LRRC4C: variants seen among roughly 807,000 people sequenced by gnomAD.
The protein encoded by LRRC4C is leucine rich repeat containing 4C, also known as leucine-rich repeat-containing protein 4C.
LRRC4C carries 5 observed loss-of-function variants against 33.6 expected under a neutral mutation model. The observed-to-expected ratio is 0.15, with a 90% CI of 0.08 to 0.31. The LOEUF (loss-of-function observed/expected upper bound fraction) is 0.31. Ranked by LOEUF, LRRC4C falls within the 10% of genes least tolerant of loss-of-function variation. The pLI, the probability that LRRC4C is intolerant of heterozygous loss-of-function variation, is 1.00. For synonymous variants in LRRC4C, 329 were observed against 302.0 expected (o/e 1.09, Z -0.93); for missense variants, 560 against 796.7 (o/e 0.70, Z 3.58).
chr11:40,323,548 G>T (rs1369438977), intron 3 of LRRC4C, among the ~76,000 whole-genome samples: 1 of 152,122 alleles, frequency 6.6e-6, no homozygotes, highest in East Asian at 1.9e-4. Flanking sequence ...CATCACCAGG[G>T]AATAATGTTG....
intron 2 of LRRC4C, among the ~76,000 whole-genome samples, chr11:40,841,759 G>C (rs184911877): frequency 6.6e-6 from 1 of 152,170 alleles, no homozygotes; most frequent in African/African-American, 2.4e-5. Flanking sequence ...ACATAATTAA[G>C]TTCTGAGAAA....
chr11:40,823,676 T>C (rs1952037532), intron 2 of LRRC4C, among the ~76,000 whole-genome samples: 1 of 151,614 alleles, frequency 6.6e-6, no homozygotes, highest in South Asian at 2.1e-4. Flanking sequence ...ACAAAAACGA[T>C]AGATAATATG....
intron 3 of LRRC4C, chr11:40,447,251 T>C (rs1951679404): frequency 6.5e-6 from 1 of 153,204 alleles, no homozygotes; most frequent in South Asian, 2.1e-4. Flanking sequence ...GATAAAGCCA[T>C]AGCTCTTGAA....
At chr11:41,443,089 A>ATTTTTTTTTTTTTTTTTTTTTTTTTTTAT in intron 1 of LRRC4C, among the ~76,000 whole-genome samples, 1 of 105,994 alleles carries the variant, frequency 9.4e-6, no homozygotes, top group South Asian at 3.3e-4. Context: ...TGTTTGCTTC[A>ATTTTTTTTTTTTTTTTTTTTTTTTTTTAT]TTTTTTTTTT....
chr11:41,212,226 G>A (rs1209684608), intron 1 of LRRC4C, among the ~76,000 whole-genome samples: 3 of 152,072 alleles, frequency 2.0e-5, no homozygotes, highest in Non-Finnish European at 2.9e-5. Flanking sequence ...CTTTCCCAGT[G>A]AGCTATATAA....
At chr11:41,304,913 G>A (rs1405155851) in intron 1 of LRRC4C, among the ~76,000 whole-genome samples, 6 of 50,124 alleles carry the variant, frequency 1.2e-4, no homozygotes, top group African/African-American at 2.7e-4. Context: ...CCGGGAGGGA[G>A]GTGGGGGGGG....
chr11:41,297,884 G>T (rs939057758), intron 1 of LRRC4C, among the ~76,000 whole-genome samples: 1 of 151,960 alleles, frequency 6.6e-6, no homozygotes, highest in Admixed American at 6.6e-5. Flanking sequence ...GACCCCCAAA[G>T]CTTTTATATT....
intron 2 of LRRC4C, among the ~76,000 whole-genome samples, chr11:40,694,800 T>C (rs1319755416): frequency 1.3e-5 from 2 of 152,130 alleles, no homozygotes; most frequent in African/African-American, 2.4e-5. Flanking sequence ...CAAATTGATA[T>C]AGGTTGGCTT....
intron 2 of LRRC4C, among the ~76,000 whole-genome samples, chr11:40,735,591 C>T (rs1278717145): frequency 7.6e-6 from 1 of 132,286 alleles, no homozygotes; most frequent in East Asian, 2.0e-4. Flanking sequence ...CAAGTCTTTG[C>T]TATTGTGAAT....
intron 2 of LRRC4C, among the ~76,000 whole-genome samples, chr11:40,745,172 C>T (rs1464154619): frequency 1.3e-5 from 2 of 152,152 alleles, no homozygotes; most frequent in Non-Finnish European, 2.9e-5. Context: ...CATTATCATG[C>T]TCATATTTAC....
At chr11:40,641,721 A>G (rs1258813267) in intron 3 of LRRC4C, among the ~76,000 whole-genome samples, 1 of 152,160 alleles carries the variant, frequency 6.6e-6, no homozygotes, top group African/African-American at 2.4e-5. Flanking sequence ...TTGTAGCATC[A>G]GCATTATTGC....
In LRRC4C at chr11:40,470,637, G is replaced by A. The variant is rs1485194340; in HGVS notation, c.-269-150916C>T. Among the ~76,000 whole-genome samples the A allele has an allele frequency of 3.3e-5, 5 of 152,270 alleles. No individual in the cohort carries two copies. In the East Asian group the frequency reaches 9.7e-4, roughly 29 times the overall value. On this transcript the variant is annotated intron_variant, in intron 3 of 6. Transcript: ENST00000528697. ...CCAATGCAAGGAAGCTAAGAACCTT[G>A]ATATAAGGTTACAGGAACTGCTAAC...
chr11:40,703,386 T>C (rs930162716), intron 2 of LRRC4C, among the ~76,000 whole-genome samples: 8 of 152,160 alleles, frequency 5.3e-5, no homozygotes, highest in African/African-American at 9.7e-5. Context: ...AGAACTTACA[T>C]TGGCAAAACC....
Position 40,467,696 on chromosome 11 carries a change from A to G in LRRC4C, c.-269-147975T>C, listed in dbSNP as rs564256775. ...ATGCAAAAATGGACACTGACACAGCAAGACATTTGCTATTTTCAAAATTCT... is the reference window on the plus strand; with the variant it reads ...ATGCAAAAATGGACACTGACACAGCGAGACATTTGCTATTTTCAAAATTCT... On this transcript the variant is annotated intron_variant, in intron 3 of 6. Coordinates refer to ENST00000528697, the MANE Select transcript of LRRC4C (RefSeq NM_001258419.2). Among the ~76,000 whole-genome samples the G allele has an allele frequency of 3.4e-3, 515 of 152,302 alleles. 1 individual carries two copies. The highest frequency in any genetic ancestry group is 5.0e-3 in the Non-Finnish European group (339 of 68,028).
intron 1 of LRRC4C, among the ~76,000 whole-genome samples, chr11:41,276,231 G>A (rs1478518884): frequency 6.6e-6 from 1 of 152,162 alleles, no homozygotes; most frequent in Non-Finnish European, 1.5e-5. Context: ...AGAAGTGTGA[G>A]TCTTGACATT....
chr11:40,296,479 C>T (rs760215550), intron 4 of LRRC4C, among the ~76,000 whole-genome samples: 1 of 152,158 alleles, frequency 6.6e-6, no homozygotes, highest in Admixed American at 6.5e-5. Flanking sequence ...CAGATCTACT[C>T]AATGCCAGTT....
chr11:40,847,738 G>A (rs1026209084), intron 2 of LRRC4C, among the ~76,000 whole-genome samples: 1 of 148,502 alleles, frequency 6.7e-6, no homozygotes, highest in Non-Finnish European at 1.5e-5. Flanking sequence ...ACTTCTCTTT[G>A]TACCTCTGGT....
intron 5 of LRRC4C, among the ~76,000 whole-genome samples, chr11:40,191,494 C>T (rs1861837990): frequency 6.6e-6 from 1 of 152,094 alleles, no homozygotes; most frequent in Non-Finnish European, 1.5e-5. Flanking sequence ...TGTCATGTCC[C>T]AGCATTACTA....
At position 40,330,239 on chromosome 11, in the gene LRRC4C, G is replaced by A. The variant is rs78116507; in HGVS notation, c.-269-10518C>T. On this transcript the variant is annotated intron_variant, in intron 3 of 6. Coordinates refer to ENST00000528697, the MANE Select transcript of LRRC4C (RefSeq NM_001258419.2). ...TGGGTTAAATGATACCCAGATAGCT[G>A]GTAAAACATTATTTCTGGGTGTGTC... 2.0e-3 allele frequency among the ~76,000 whole-genome samples: 308 copies of A among 152,176 alleles called. 2 individuals carry two copies. The highest frequency in any genetic ancestry group is 7.2e-3 in the African/African-American group (297 of 41,526).
Sources: allele counts gnomAD v4.1 joint callset (sites outside exome capture counted in the v4.1 genomes callset), GRCh38; gene constraint gnomAD v4.1.1; transcripts MANE v1.5; gene names NCBI Gene and HGNC (gene_info 2026-07-23, HGNC 2026-07-21).